Variants in RNF180 observed in about 807,000 individuals in gnomAD.
RNF180 encodes E3 ubiquitin-protein ligase RNF180.
In RNF180, 38 loss-of-function variants were observed where a neutral mutation model predicts 59.2. That is an observed-to-expected ratio of 0.64 (90% CI 0.50 to 0.84). The LOEUF (loss-of-function observed/expected upper bound fraction) is 0.84, where lower values mean the gene tolerates loss of function less well. Ranked by LOEUF, RNF180 falls within the 40% of genes least tolerant of loss-of-function variation. The pLI is 0.00. For missense variants in RNF180, 705 were observed against 700.9 expected, an observed-to-expected ratio of 1.01 and a Z score of -0.07; for synonymous variants, 262 against 240.3, an observed-to-expected ratio of 1.09 and a Z score of -0.84.
chr5:64,214,650 G>T, intron 4 of RNF180, 133 bp downstream of exon 4: 1 of 704,896 alleles, frequency 1.4e-6, no homozygotes, highest in Non-Finnish European at 2.3e-6. Context: ...TTCTCTCTGA[G>T]TGCACTCAGT....
chr5:64,311,956 C>G (rs1414608279), intron 5 of RNF180, among the ~76,000 whole-genome samples: 1 of 151,986 alleles, frequency 6.6e-6, no homozygotes, highest in Middle Eastern at 3.2e-3. Context: ...AAAAGACCCT[C>G]TTTATTTCTT....
chr5:64,222,663 T>C (rs1741415746), intron 5 of RNF180, among the ~76,000 whole-genome samples: 1 of 152,206 alleles, frequency 6.6e-6, no homozygotes, highest in Non-Finnish European at 1.5e-5. Context: ...TCCAAACTTC[T>C]GGAAGGAAAA....
chr5:64,350,166 GTGA>G (rs1405336988), intron 7 of RNF180, among the ~76,000 whole-genome samples: 1 of 152,170 alleles, frequency 6.6e-6, no homozygotes, highest in African/African-American at 2.4e-5. Flanking sequence ...CTGATGGCCA[GTGA>G]TGATGAGCAT....
At chr5:64,338,865 T>C (rs994875769) in intron 7 of RNF180, among the ~76,000 whole-genome samples, 5 of 152,140 alleles carry the variant, frequency 3.3e-5, no homozygotes, top group African/African-American at 1.2e-4. Flanking sequence ...CACTGAATCA[T>C]ATTAATAGAT....
intron 7 of RNF180, among the ~76,000 whole-genome samples, chr5:64,354,794 T>G (rs10078045): frequency 1 from 151,882 of 151,944 alleles, 75,910 homozygotes; most frequent in Non-Finnish European, 1. Context: ...AAAAAAAATC[T>G]ATGTAATTTA....
At position 64,219,768 on chromosome 5, in the gene RNF180, C is replaced by A. The variant is rs144772107; in HGVS notation, c.1227+2372C>A. 6.9e-3 allele frequency among the ~76,000 whole-genome samples: 1,047 copies of A among 152,170 alleles called. 12 individuals are homozygous for A. Among genetic ancestry groups the A allele is most frequent in the African/African-American group, 0.022 (929 of 41,532 alleles). ...TCTCCTGACCTCATGATCCGCCTGC[C>A]TCAGCCTCCCAAAGTGCTAGGATTA... On this transcript the variant is annotated intron_variant, in intron 5 of 7. Coordinates refer to ENST00000389100, the MANE Select transcript of RNF180 (RefSeq NM_001113561.2).
chr5:64,194,475 G>A (rs1218339846), intron 1 of RNF180, among the ~76,000 whole-genome samples: 2 of 152,140 alleles, frequency 1.3e-5, no homozygotes, highest in Non-Finnish European at 1.5e-5. Flanking sequence ...CCGTGTGCAT[G>A]TGTCTTTATA....
chr5:64,168,659 T>G (rs1465140814), intron 1 of RNF180, among the ~76,000 whole-genome samples: 1 of 152,154 alleles, frequency 6.6e-6, no homozygotes, highest in East Asian at 1.9e-4. Flanking sequence ...AATTTAAATC[T>G]TTGTAACAAT....
chr5:64,252,022 C>T (rs755562245), intron 5 of RNF180, among the ~76,000 whole-genome samples: 9 of 152,016 alleles, frequency 5.9e-5, no homozygotes, highest in Non-Finnish European at 1.3e-4. Context: ...CTATAGATTT[C>T]ACAAAAATAC....
rs1171637074 is a variant in RNF180, at chr5:64,234,578, C to CTTTTTTTTTT, written c.1227+17212_1227+17221dup. ...GCTTTCCAAATGGCAGTTACCCGTTCTTTTTTTTTTTTTTTTTTTTTTTTT... is the reference window on the plus strand; with the variant it reads ...GCTTTCCAAATGGCAGTTACCCGTTCTTTTTTTTTTTTTTTTTTTTTTTTTTTTTTTTTTT... On this transcript the variant is annotated intron_variant, in intron 5 of 7. Transcript: ENST00000389100. 3.4e-3 allele frequency among the ~76,000 whole-genome samples: 163 copies of CTTTTTTTTTT among 48,522 alleles called. 59 individuals are homozygous for CTTTTTTTTTT. Among genetic ancestry groups the CTTTTTTTTTT allele is most frequent in the Non-Finnish European group, 5.3e-3 (139 of 26,118 alleles). The allele number at this position is 48,522 out of a possible 152,430, so 31.8% of individuals were successfully genotyped here.
At chr5:64,338,737 T>C (rs1163904119) in intron 7 of RNF180, among the ~76,000 whole-genome samples, 1 of 152,180 alleles carries the variant, frequency 6.6e-6, no homozygotes, top group African/African-American at 2.4e-5. Context: ...GAATGTTCTC[T>C]CATCTGTTCC....
At chr5:64,217,248 A>G in intron 4 of RNF180, 113 bp from the exon 5 acceptor site, 1 of 1,213,486 alleles carries the variant, frequency 8.2e-7, no homozygotes, top group Non-Finnish European at 1.1e-6. Flanking sequence ...CAGTTTATCC[A>G]TTCAGCTGCT....
intron 5 of RNF180, among the ~76,000 whole-genome samples, chr5:64,274,740 T>C (rs925326948): frequency 3.3e-5 from 5 of 152,034 alleles, no homozygotes; most frequent in African/African-American, 1.2e-4. Flanking sequence ...GTGACTGGCT[T>C]CTACTGTACT....
At chr5:64,251,350 T>C (rs1038868615) in intron 5 of RNF180, among the ~76,000 whole-genome samples, 2 of 152,156 alleles carry the variant, frequency 1.3e-5, no homozygotes, top group Admixed American at 1.3e-4. Context: ...CCATAGCAAT[T>C]AGGCAAGAAA....
intron 5 of RNF180, among the ~76,000 whole-genome samples, chr5:64,284,854 G>A (rs1044608421): frequency 6.6e-6 from 1 of 152,188 alleles, no homozygotes; most frequent in Non-Finnish European, 1.5e-5. Context: ...AAGAATCATT[G>A]CTGGGAAACT....
intron 1 of RNF180, among the ~76,000 whole-genome samples, chr5:64,195,050 A>G (rs1033737477): frequency 6.6e-6 from 1 of 152,220 alleles, no homozygotes; most frequent in Admixed American, 6.5e-5. Flanking sequence ...CTAGCACCAC[A>G]GAAGCTTATC....
intron 5 of RNF180, among the ~76,000 whole-genome samples, chr5:64,304,417 A>G (rs980232506): frequency 6.6e-6 from 1 of 151,654 alleles, no homozygotes; most frequent in Non-Finnish European, 1.5e-5. Context: ...TCTAGATGCC[A>G]TAAAGACCAT....
intron 3 of RNF180, 104 bp from the exon 4 acceptor site, chr5:64,213,454 G>A (rs1368442789): frequency 4.2e-6 from 4 of 952,026 alleles, no homozygotes; most frequent in Admixed American, 2.3e-5. Flanking sequence ...AGCCTTTTCT[G>A]TGGCATAGAA....
At chr5:64,292,763 C>T (rs1561243276) in intron 5 of RNF180, among the ~76,000 whole-genome samples, 1 of 152,332 alleles carries the variant, frequency 6.6e-6, no homozygotes, top group East Asian at 1.9e-4. Flanking sequence ...ATCAGCAGCC[C>T]CTCCCCCATG....
Sources: gnomAD v4.1 joint callset for allele counts (sites outside exome capture counted in the v4.1 genomes callset) on GRCh38, gnomAD v4.1.1 for gene constraint, MANE v1.5 for transcripts, NCBI Gene and HGNC (gene_info 2026-07-23, HGNC 2026-07-21) for gene names.